The following SIK3 variants were observed in gnomAD, a reference collection of about 807,000 sequenced individuals.
The protein encoded by SIK3 is serine/threonine-protein kinase SIK3.
SIK3 carries 28 observed loss-of-function variants against 144.2 expected under a neutral mutation model. The observed-to-expected ratio is 0.19, with a 90% CI of 0.14 to 0.27. SIK3 has a LOEUF of 0.27. Ranked by LOEUF, SIK3 falls within the 10% of genes least tolerant of loss-of-function variation. The pLI, the probability that SIK3 is intolerant of heterozygous loss-of-function variation, is 1.00. For synonymous variants in SIK3, 686 were observed against 676.3 expected (o/e 1.01, Z -0.22); for missense variants, 1,319 against 1,776.0 (o/e 0.74, Z 4.62).
intron 1 of SIK3, among the ~76,000 whole-genome samples, chr11:117,050,053 G>A (rs958406723): frequency 1.4e-4 from 21 of 152,290 alleles, no homozygotes; most frequent in Admixed American, 1.3e-3. Context: ...TGCTCTGGGA[G>A]GCCAAGGCAG....
chr11:116,867,244 G>C lies in SIK3; in HGVS notation c.1952+702C>G, dbSNP rs1053165886. On this transcript the variant is annotated intron_variant, in intron 15 of 24. Transcript: ENST00000445177. The surrounding 1 kb of genome is among the most constrained non-coding windows in gnomAD (Gnocchi z 4.1). The stretch of plus-strand genomic sequence containing the variant: ...GGAGTGGCCAAGACTGAGATTTTTA[G>C]TCATCAAGATAGTCACAGAAGATAA... Among the ~76,000 whole-genome samples the C allele has an allele frequency of 2.0e-5, 3 of 152,174 alleles. No homozygotes were observed. Among genetic ancestry groups the C allele is most frequent in the Non-Finnish European group, 2.9e-5 (2 of 68,034 alleles).
intron 1 of SIK3, among the ~76,000 whole-genome samples, chr11:117,005,489 G>A (rs528135945): frequency 6.6e-5 from 10 of 152,066 alleles, no homozygotes; most frequent in African/African-American, 2.2e-4. Flanking sequence ...CTTAGAAACA[G>A]AACAGTGACT....
chr11:116,960,053 T>TAATA (rs1482671067), intron 1 of SIK3, among the ~76,000 whole-genome samples: 1 of 152,198 alleles, frequency 6.6e-6, no homozygotes, highest in Admixed American at 6.5e-5. Flanking sequence ...ATATGTACTA[T>TAATA]AATAAATAAA....
intron 4 of SIK3, among the ~76,000 whole-genome samples, chr11:116,902,186 T>C (rs971069039): frequency 2.0e-5 from 3 of 152,182 alleles, no homozygotes; most frequent in African/African-American, 7.2e-5. Context: ...GAGTTTTTTG[T>C]TTGTGTTTTC....
chr11:116,978,305 A>T (rs894365669), intron 1 of SIK3, among the ~76,000 whole-genome samples: 3 of 152,190 alleles, frequency 2.0e-5, no homozygotes, highest in Non-Finnish European at 4.4e-5. Context: ...CTTATAAAAA[A>T]TTTTATTGTA....
At chr11:116,895,129 T>G (rs899259821) in intron 6 of SIK3, among the ~76,000 whole-genome samples, 4 of 152,132 alleles carry the variant, frequency 2.6e-5, no homozygotes, top group African/African-American at 9.7e-5. Flanking sequence ...AGCTCCCTCT[T>G]ACCTCTCTGA....
At chr11:116,898,469 T>C (rs1323859208) in intron 4 of SIK3, among the ~76,000 whole-genome samples, 1 of 152,114 alleles carries the variant, frequency 6.6e-6, no homozygotes, top group South Asian at 2.1e-4. Flanking sequence ...ACATGATTTA[T>C]AGTCCTTTGG....
chr11:117,020,673 G>A (rs1461745150), intron 1 of SIK3, among the ~76,000 whole-genome samples: 1 of 152,162 alleles, frequency 6.6e-6, no homozygotes, highest in African/African-American at 2.4e-5. Context: ...AGAGTGAAGA[G>A]GAACACATCC....
chr11:116,990,004 G>A (rs1005826011), intron 1 of SIK3, among the ~76,000 whole-genome samples: 1 of 152,088 alleles, frequency 6.6e-6, no homozygotes, highest in Non-Finnish European at 1.5e-5. Context: ...TTAAATTTCA[G>A]TCTGAAAACA....
chr11:116,989,579 G>A (rs1170842331), intron 1 of SIK3, among the ~76,000 whole-genome samples: 1 of 150,970 alleles, frequency 6.6e-6, no homozygotes, highest in Non-Finnish European at 1.5e-5. Context: ...TGAAACTAAA[G>A]GCAACCCAAG....
Position 116,861,359 on chromosome 11 carries a change from TG to T in SIK3, c.2339del (p.Pro780HisfsTer21). ...LQRLRIQPSS[P>X]PPNHPNNHLF... ...GATGGTTGTTGGGGTGGTTGGGGGG[TG>T]GGCTTGAAGGCTGAATCCTTAACCT... On this transcript the variant is annotated frameshift_variant, in exon 19 of 25. Transcript: ENST00000445177. LOFTEE classifies it high-confidence loss of function. 6.3e-7 allele frequency: 1 copy of T among 1,597,242 alleles called. No individual in the cohort carries two copies. The highest frequency in any genetic ancestry group is 8.5e-7 in the Non-Finnish European group (1 of 1,174,468).
chr11:117,089,008 T>G (rs940823294), intron 1 of SIK3, among the ~76,000 whole-genome samples: 1 of 152,016 alleles, frequency 6.6e-6, no homozygotes, highest in Non-Finnish European at 1.5e-5. Flanking sequence ...TACTTTTAAG[T>G]AAAATTATGC....
chr11:117,005,294 C>A (rs1040616490), intron 1 of SIK3, among the ~76,000 whole-genome samples: 17 of 141,056 alleles, frequency 1.2e-4, no homozygotes, highest in Non-Finnish European at 2.4e-4. Context: ...CGAGATCGCA[C>A]CACTGCACTC....
At position 116,859,300 on chromosome 11, in the gene SIK3, G is replaced by A; in HGVS notation, c.2730C>T (p.Ser910=). Residue 910 remains serine, a synonymous_variant, in exon 20 of 25, where the codon TCC becomes TCT. Coordinates refer to ENST00000445177, the MANE Select transcript of SIK3 (RefSeq NM_001366686.3). ...CTGCACTGTCAGCACTCAGCTGCTT[G>A]GACAAGGGACGGTGCCCATAGCTGA... The part of the protein sequence containing the change: ...ATLSYGHRPL[S]KQLSADSAEA... 6.2e-7 allele frequency: 1 copy of A among 1,612,144 alleles called. No homozygotes were observed. Among genetic ancestry groups the A allele is most frequent in the Non-Finnish European group, 8.5e-7 (1 of 1,178,564 alleles).
intron 15 of SIK3, among the ~76,000 whole-genome samples, chr11:116,866,729 C>T (rs1051559933): frequency 1.3e-5 from 2 of 152,156 alleles, no homozygotes; most frequent in Non-Finnish European, 2.9e-5. Context: ...CGTGAACCAC[C>T]GTGCCTGGCC....
intron 1 of SIK3, among the ~76,000 whole-genome samples, chr11:117,010,410 A>G (rs34998970): frequency 0.071 from 10,816 of 152,174 alleles, 691 homozygotes; most frequent in African/African-American, 0.17. Flanking sequence ...GAGCACCGAT[A>G]AGCCAGGGAG....
chr11:116,968,302 C>A (rs987339187), intron 1 of SIK3, among the ~76,000 whole-genome samples: 1 of 152,016 alleles, frequency 6.6e-6, no homozygotes, highest in African/African-American at 2.4e-5. Flanking sequence ...ACCACCATGC[C>A]CGGCTAATTT....
At position 116,867,017 on chromosome 11, in the gene SIK3, A is replaced by G. The variant is rs1023124849; in HGVS notation, c.1952+929T>C. Among the ~76,000 whole-genome samples, 1 of 152,218 alleles carries G rather than the reference A, an allele frequency of 6.6e-6. No individual in the cohort carries two copies. Among genetic ancestry groups the G allele is most frequent in the Non-Finnish European group, 1.5e-5 (1 of 68,034 alleles). Reference sequence around the variant, plus strand: ...AATGGGTAACCAGCCTCAGTAAAAAAAATGTGTCAAGCTTGCCAGTGCAAG... The same window carrying G: ...AATGGGTAACCAGCCTCAGTAAAAAGAATGTGTCAAGCTTGCCAGTGCAAG... On this transcript the variant is annotated intron_variant, in intron 15 of 24. Transcript: ENST00000445177. The surrounding 1 kb of genome is among the most constrained non-coding windows in gnomAD (Gnocchi z 4.1).
chr11:117,085,485 C>A (rs556748425), intron 1 of SIK3, among the ~76,000 whole-genome samples: 324 of 152,094 alleles, frequency 2.1e-3, no homozygotes, highest in Middle Eastern at 6.8e-3. Flanking sequence ...AGATACATGC[C>A]AAAATATCTA....
Sources: gnomAD v4.1 joint callset for allele counts (sites outside exome capture counted in the v4.1 genomes callset) on GRCh38, gnomAD v4.1.1 for gene constraint, Gnocchi (gnomAD v3.1) non-coding constraint, MANE v1.5 for transcripts, NCBI Gene and HGNC (gene_info 2026-07-23, HGNC 2026-07-21) for gene names.